The following TAF1 variants were observed in gnomAD, a reference collection of about 807,000 sequenced individuals.
The protein encoded by TAF1 is transcription initiation factor TFIID subunit 1.
TAF1 carries 2 observed loss-of-function variants against 138.5 expected under a neutral mutation model. The ratio of observed to expected loss-of-function variants is 0.01; its 90% CI spans 0.01 to 0.05. The LOEUF (loss-of-function observed/expected upper bound fraction) is 0.05, where lower values mean the gene tolerates loss of function less well. Ranked by LOEUF, TAF1 falls within the 10% of genes least tolerant of loss-of-function variation. The probability of loss-of-function intolerance (pLI) is 1.00; values close to 1 mark genes in which losing one functional copy is unlikely to be tolerated. For synonymous variants in TAF1, 437 were observed against 503.2 expected, an observed-to-expected ratio of 0.87 and a Z score of 1.76; for missense variants, 709 against 1,478.0, an observed-to-expected ratio of 0.48 and a Z score of 8.53.
chrX:71,475,707 G>A (rs2038970207), intron 13 of TAF1, among the ~76,000 whole-genome samples: 1 of 111,390 alleles, frequency 9.0e-6, no homozygotes, highest in South Asian at 3.7e-4. Flanking sequence ...TGGAGAGACA[G>A]TCTAGATTCA....
chrX:71,468,456 C>T (rs2038810274), downstream of TAF1, among the ~76,000 whole-genome samples: 1 of 107,300 alleles, frequency 9.3e-6, no homozygotes, highest in Non-Finnish European at 1.9e-5. Flanking sequence ...GGGAGGCTGG[C>T]GTGGGCGGAT....
At chrX:71,453,634 T>C (rs1373151038) in intron 32 of TAF1, among the ~76,000 whole-genome samples, 1 of 111,117 alleles carries the variant, frequency 9.0e-6, no homozygotes, top group Non-Finnish European at 1.9e-5. Context: ...TTGGTGGTGG[T>C]ATACATTGTA....
At chrX:71,396,298 T>C (rs1267257120) in intron 22 of TAF1, among the ~76,000 whole-genome samples, 1 of 105,854 alleles carries the variant, frequency 9.4e-6, no homozygotes, top group African/African-American at 3.4e-5. Context: ...TTGGGTACTT[T>C]TTTTTTTTTT....
At chrX:71,490,236 C>CT (rs1472290258) in intron 13 of TAF1, among the ~76,000 whole-genome samples, 3 of 112,291 alleles carry the variant, frequency 2.7e-5, no homozygotes, top group Non-Finnish European at 3.8e-5. Context: ...CACCAACAAA[C>CT]TAACATGCTG....
intron 28 of TAF1, among the ~76,000 whole-genome samples, chrX:71,418,955 C>A (rs1352130825): frequency 9.1e-6 from 1 of 110,241 alleles, no homozygotes; most frequent in Non-Finnish European, 1.9e-5. Context: ...TTAGTAGAGA[C>A]GGGGTTTCTC....
intron 14 of TAF1, among the ~76,000 whole-genome samples, chrX:71,386,161 CAAA>C (rs746090192): frequency 2.9e-5 from 2 of 67,981 alleles, no homozygotes; most frequent in Admixed American, 1.8e-4. Flanking sequence ...AACTCCATCT[CAAA>C]AAAAAAAAAA....
chrX:71,397,534 G>A, intron 23 of TAF1, 68 bp downstream of exon 23: 1 of 1,136,988 alleles, frequency 8.8e-7, no homozygotes, highest in Non-Finnish European at 1.2e-6. Flanking sequence ...CCCAGGTGGA[G>A]TGCAGCGGCG....
intron 34 of TAF1, among the ~76,000 whole-genome samples, chrX:71,457,981 T>G (rs2038380454): frequency 8.9e-6 from 1 of 112,743 alleles, no homozygotes; most frequent in Non-Finnish European, 1.9e-5. Flanking sequence ...GAAAGGCTGT[T>G]AGGACATAAA....
intron 23 of TAF1, among the ~76,000 whole-genome samples, chrX:71,398,136 G>A (rs1198344744): frequency 1.8e-5 from 2 of 110,699 alleles, no homozygotes; most frequent in Non-Finnish European, 3.8e-5. Context: ...TCAGGAGTTC[G>A]AGACCAGCCT....
At chrX:71,396,265 AT>A (rs2034841442) in intron 22 of TAF1, among the ~76,000 whole-genome samples, 1 of 100,113 alleles carries the variant, frequency 1.0e-5, no homozygotes, top group Non-Finnish European at 2.0e-5. Context: ...TTGTAGTGCC[AT>A]TTTCCCCCCC....
At chrX:71,480,045 C>T (rs1043129818) in intron 13 of TAF1, among the ~76,000 whole-genome samples, 1 of 110,463 alleles carries the variant, frequency 9.1e-6, no homozygotes, top group African/African-American at 3.3e-5. Context: ...GGCAACATAG[C>T]GAGACCATGT....
chrX:71,434,076 A>G (rs371966201), intron 32 of TAF1, among the ~76,000 whole-genome samples: 81 of 112,121 alleles, frequency 7.2e-4, no homozygotes, highest in African/African-American at 2.4e-3. Flanking sequence ...AATTAATAGT[A>G]ACAAAGTCCA....
At chrX:71,378,517 T>G in intron 7 of TAF1, 64 bp downstream of exon 7, 1 of 1,150,113 alleles carries the variant, frequency 8.7e-7, no homozygotes, top group Non-Finnish European at 1.2e-6. Context: ...TTTACTAACT[T>G]TACTCTTTAA....
chrX:71,456,649 CTTTTTTTTTTTTTTTTTTTTTTTTT>C (rs776321706), intron 34 of TAF1, among the ~76,000 whole-genome samples: 75 of 26,826 alleles, frequency 2.8e-3, no homozygotes, highest in African/African-American at 0.011. Context: ...AATGTATTTT[CTTTTTTTTTTTTTTTTTTTTTTTTT>C]TTTTTTTTTT....
chrX:71,410,101 C>T (rs1014037410), intron 28 of TAF1, among the ~76,000 whole-genome samples: 6 of 109,519 alleles, frequency 5.5e-5, no homozygotes, highest in Admixed American at 4.9e-4. Flanking sequence ...CCATGTTGGC[C>T]AGGCTGGTCT....
intron 1 of TAF1, among the ~76,000 whole-genome samples, chrX:71,366,756 C>CA (rs2032533557): frequency 9.0e-6 from 1 of 111,292 alleles, no homozygotes; most frequent in Admixed American, 9.5e-5. Context: ...CTCTGCCGAC[C>CA]AGACAGTAGG....
At chrX:71,379,410 C>T (rs764867194) in intron 8 of TAF1, among the ~76,000 whole-genome samples, 3 of 107,999 alleles carry the variant, frequency 2.8e-5, no homozygotes, top group East Asian at 3.0e-4. Context: ...CCACCACGCC[C>T]GGCTGGCTGT....
At chrX:71,406,517 G>T in intron 25 of TAF1, 121 bp from the exon 26 acceptor site, 1 of 632,935 alleles carries the variant, frequency 1.6e-6, no homozygotes, top group Non-Finnish European at 2.3e-6. Flanking sequence ...CCTTTGGTTT[G>T]GCTTTTTCCT....
chrX:71,370,843 A>G (rs2033004589), intron 3 of TAF1, among the ~76,000 whole-genome samples: 1 of 112,235 alleles, frequency 8.9e-6, no homozygotes, highest in Non-Finnish European at 1.9e-5. Flanking sequence ...AAAGTAACCC[A>G]CGAAAAATAG....
Sources: allele counts gnomAD v4.1 joint callset (sites outside exome capture counted in the v4.1 genomes callset), GRCh38; gene constraint gnomAD v4.1.1; transcripts MANE v1.5; gene names NCBI Gene and HGNC (gene_info 2026-07-23, HGNC 2026-07-21).